Variants in SMAP1 observed in about 807,000 individuals in gnomAD.
SMAP1 encodes the protein small ArfGAP 1.
Under a neutral mutation model 58.5 loss-of-function variants are expected in SMAP1, and 24 were observed. The observed-to-expected ratio is 0.41, with a 90% CI of 0.30 to 0.58. The LOEUF is 0.58. Ranked by LOEUF, SMAP1 falls within the 20% of genes least tolerant of loss-of-function variation. The probability of loss-of-function intolerance (pLI) is 0.29; values close to 1 mark genes in which losing one functional copy is unlikely to be tolerated. For synonymous variants in SMAP1, 216 were observed against 196.6 expected, an observed-to-expected ratio of 1.10 and a Z score of -0.82; for missense variants, 563 against 566.3, an observed-to-expected ratio of 0.99 and a Z score of 0.06.
chr6:70,751,048 C>T (rs545172376), intron 2 of SMAP1, among the ~76,000 whole-genome samples: 2 of 151,954 alleles, frequency 1.3e-5, no homozygotes, highest in South Asian at 2.1e-4. Context: ...GAGACCAGCC[C>T]GGCCAACATG....
At chr6:70,719,797 A>G (rs1365738950) in intron 1 of SMAP1, among the ~76,000 whole-genome samples, 1 of 152,172 alleles carries the variant, frequency 6.6e-6, no homozygotes, top group Non-Finnish European at 1.5e-5. Flanking sequence ...CTTATTAACT[A>G]TAATGAGAAT....
chr6:70,834,684 G>A (rs1212657962), intron 6 of SMAP1, among the ~76,000 whole-genome samples: 1 of 152,212 alleles, frequency 6.6e-6, no homozygotes, highest in East Asian at 1.9e-4. Flanking sequence ...TTTGAAGTTT[G>A]CATGCTCGTG....
At chr6:70,849,752 A>G (rs970500649) in intron 7 of SMAP1, among the ~76,000 whole-genome samples, 2 of 152,232 alleles carry the variant, frequency 1.3e-5, no homozygotes, top group African/African-American at 4.8e-5. Flanking sequence ...AAAATTTACC[A>G]TTTTAAATAT....
chr6:70,860,873 A>G lies in SMAP1; in HGVS notation c.*539A>G, dbSNP rs1771691365. The G allele has an allele frequency of 2.5e-6, 1 of 393,508 alleles. No homozygotes were observed. The highest frequency in any genetic ancestry group is 3.6e-5 in the East Asian group (1 of 27,782). The allele number at this position is 393,508 out of a possible 1,614,324, so 24.4% of individuals were successfully genotyped here. ...GATGTGCTTAACAGGGAACGTGATTAGTGAAAGGAAGATAAACGTGGATGT... is the reference window on the plus strand; with the variant it reads ...GATGTGCTTAACAGGGAACGTGATTGGTGAAAGGAAGATAAACGTGGATGT... On this transcript the variant is annotated 3_prime_UTR_variant, in exon 11 of 11. Coordinates refer to ENST00000370455, the MANE Select transcript of SMAP1 (RefSeq NM_001044305.3).
intron 1 of SMAP1, among the ~76,000 whole-genome samples, chr6:70,691,328 ATAG>A (rs1449620287): frequency 6.6e-6 from 1 of 152,118 alleles, no homozygotes; most frequent in Non-Finnish European, 1.5e-5. Context: ...GGTACATATA[ATAG>A]TAGGTGGATA....
At chr6:70,715,086 CTT>C (rs79570681) in intron 1 of SMAP1, among the ~76,000 whole-genome samples, 7 of 117,422 alleles carry the variant, frequency 6.0e-5, no homozygotes, top group Admixed American at 9.5e-5. Flanking sequence ...GTGTGGGTTT[CTT>C]TTTTTTTTTT....
chr6:70,854,451 A>C (rs1033566241), intron 8 of SMAP1, among the ~76,000 whole-genome samples: 3 of 152,064 alleles, frequency 2.0e-5, no homozygotes, highest in African/African-American at 4.8e-5. Context: ...GTGAAACCCC[A>C]TCTCTCCTTA....
At position 70,858,196 on chromosome 6, in the gene SMAP1, G is replaced by T. The variant is rs771439200; in HGVS notation, c.1236G>T (p.Pro412=). The T allele has an allele frequency of 6.2e-7, 1 of 1,611,960 alleles. No individual in the cohort carries two copies. Among genetic ancestry groups the T allele is most frequent in the Non-Finnish European group, 8.5e-7 (1 of 1,179,358 alleles). ...CACCCCAGAGTAAGTTTGGCCTGCC[G>T]CAAGCTCAGCAGCCCCAGTGGAGCC... ...MGAPQSKFGL[P]QAQQPQWSLS... Residue 412 remains proline (P), a synonymous_variant, in exon 10 of 11, where the codon CCG becomes CCT. Coordinates refer to ENST00000370455, the MANE Select transcript of SMAP1 (RefSeq NM_001044305.3).
chr6:70,849,303 T>TA (rs1562201665), intron 7 of SMAP1, among the ~76,000 whole-genome samples: 1 of 152,216 alleles, frequency 6.6e-6, no homozygotes, highest in East Asian at 1.9e-4. Context: ...CCCTCAGACT[T>TA]ACTTTGTGAA....
At chr6:70,778,463 G>C (rs1211693236) in intron 4 of SMAP1, among the ~76,000 whole-genome samples, 1 of 152,226 alleles carries the variant, frequency 6.6e-6, no homozygotes, top group East Asian at 1.9e-4. Context: ...CTGTTGAAAA[G>C]ATGATAAAGT....
rs74338727 is a variant in SMAP1 at position 70,764,465 on chromosome 6, G to C, written c.339-8885G>C. On this transcript the variant is annotated intron_variant, in intron 3 of 10. Transcript: ENST00000370455. ...CTTTCTTGTTAGGAAAATGCAGCTG[G>C]TGACTTTAAGTTGAAGCTAATGTTT... Among the ~76,000 whole-genome samples, 665 of 152,280 alleles carry C rather than the reference G, an allele frequency of 4.4e-3. 2 individuals are homozygous for C. The highest frequency in any genetic ancestry group is 6.8e-3 in the Middle Eastern group (2 of 294).
chr6:70,836,094 C>T (rs948141752), intron 6 of SMAP1, among the ~76,000 whole-genome samples: 2 of 152,104 alleles, frequency 1.3e-5, no homozygotes, highest in Non-Finnish European at 1.5e-5. Context: ...AGTGTGCTCA[C>T]GAAGACTCCA....
chr6:70,791,833 A>G (rs1768376032), intron 5 of SMAP1, 64 bp downstream of exon 5: 3 of 1,377,224 alleles, frequency 2.2e-6, no homozygotes, highest in Admixed American at 3.5e-5. Context: ...TTCCTTTTGC[A>G]GTGTGTCATT....
At chr6:70,696,781 A>AG (rs1392370355) in intron 1 of SMAP1, among the ~76,000 whole-genome samples, 3 of 152,224 alleles carry the variant, frequency 2.0e-5, no homozygotes, top group African/African-American at 7.2e-5. Flanking sequence ...GTTCAGATTA[A>AG]GTCCAATGTT....
chr6:70,723,452 C>G (rs1183030289), intron 1 of SMAP1, among the ~76,000 whole-genome samples: 1 of 152,106 alleles, frequency 6.6e-6, no homozygotes, highest in South Asian at 2.1e-4. Flanking sequence ...TTACTCTTTC[C>G]CCAGATAGCT....
chr6:70,745,586 A>G (rs535789256), intron 2 of SMAP1, among the ~76,000 whole-genome samples: 26 of 152,244 alleles, frequency 1.7e-4, no homozygotes, highest in Admixed American at 1.2e-3. Context: ...GCCTTGTAGT[A>G]TAGTTTGAAG....
At chr6:70,770,231 A>G (rs1767214969) in intron 3 of SMAP1, among the ~76,000 whole-genome samples, 1 of 151,172 alleles carries the variant, frequency 6.6e-6, no homozygotes, top group South Asian at 2.1e-4. Context: ...TGTGTCTTGG[A>G]GTTGCTCTTC....
intron 5 of SMAP1, among the ~76,000 whole-genome samples, chr6:70,792,478 G>T (rs1048166184): frequency 6.6e-6 from 1 of 151,966 alleles, no homozygotes; most frequent in African/African-American, 2.4e-5. Flanking sequence ...CCCTCCAGGA[G>T]CTTACAGTCT....
At chr6:70,842,915 C>T (rs1770855281) in intron 7 of SMAP1, among the ~76,000 whole-genome samples, 1 of 152,128 alleles carries the variant, frequency 6.6e-6, no homozygotes, top group African/African-American at 2.4e-5. Flanking sequence ...GGAGTAAAAA[C>T]TTGCCAGAAA....
Sources: allele counts gnomAD v4.1 joint callset (sites outside exome capture counted in the v4.1 genomes callset), GRCh38; gene constraint gnomAD v4.1.1; transcripts MANE v1.5; gene names NCBI Gene and HGNC (gene_info 2026-07-23, HGNC 2026-07-21).